Variants in CNTNAP4 observed in about 807,000 individuals in gnomAD.
CNTNAP4 encodes contactin-associated protein-like 4.
CNTNAP4 carries 98 observed loss-of-function variants against 148.4 expected under a neutral mutation model. That is an observed-to-expected ratio of 0.66 (90% CI 0.56 to 0.78). The LOEUF (loss-of-function observed/expected upper bound fraction) is 0.78, where lower values mean the gene tolerates loss of function less well. Ranked by LOEUF, CNTNAP4 falls within the 30% of genes least tolerant of loss-of-function variation. CNTNAP4 has a pLI of 0.00. For synonymous variants in CNTNAP4, 730 were observed against 565.1 expected (o/e 1.29, Z -4.14); for missense variants, 1,935 against 1,565.6 (o/e 1.24, Z -3.98).
chr16:76,306,312 A>G (rs779517378), intron 1 of CNTNAP4, among the ~76,000 whole-genome samples: 3 of 152,100 alleles, frequency 2.0e-5, no homozygotes, highest in Non-Finnish European at 4.4e-5. Context: ...GTTGGTTTTG[A>G]TATTTTTCTG....
At chr16:76,475,480 A>T (rs777731172) in intron 10 of CNTNAP4, among the ~76,000 whole-genome samples, 12 of 152,206 alleles carry the variant, frequency 7.9e-5, no homozygotes, top group Non-Finnish European at 1.5e-4. Flanking sequence ...TTGTGAGCCT[A>T]TACTGTGTAT....
At chr16:76,335,506 T>A (rs941990801) in intron 2 of CNTNAP4, among the ~76,000 whole-genome samples, 1 of 151,184 alleles carries the variant, frequency 6.6e-6, no homozygotes, top group Non-Finnish European at 1.5e-5. Context: ...GGAAGGAGAG[T>A]TTGGAAAGGA....
intron 2 of CNTNAP4, among the ~76,000 whole-genome samples, chr16:76,353,163 G>A (rs1044224634): frequency 2.0e-5 from 3 of 152,110 alleles, no homozygotes; most frequent in African/African-American, 7.2e-5. Flanking sequence ...AAAAGAGGAA[G>A]AGCATTGTGC....
intron 3 of CNTNAP4, among the ~76,000 whole-genome samples, chr16:76,356,726 G>A (rs1214997791): frequency 6.6e-6 from 1 of 152,122 alleles, no homozygotes; most frequent in East Asian, 1.9e-4. Context: ...CAGATAATTT[G>A]GAAGCCTATT....
intron 3 of CNTNAP4, among the ~76,000 whole-genome samples, chr16:76,414,911 T>C (rs1237903543): frequency 6.6e-6 from 1 of 151,264 alleles, no homozygotes; most frequent in Non-Finnish European, 1.5e-5. Flanking sequence ...AGATCAATCC[T>C]AACTAGGGTT....
intron 2 of CNTNAP4, among the ~76,000 whole-genome samples, chr16:76,337,241 A>G (rs987928581): frequency 2.3e-4 from 35 of 152,358 alleles, no homozygotes; most frequent in African/African-American, 8.2e-4. Context: ...TTAGCCTTGA[A>G]TGAAAGACTT....
chr16:76,402,182 G>A (rs56839329), intron 3 of CNTNAP4, among the ~76,000 whole-genome samples: 6,279 of 151,964 alleles, frequency 0.041, 453 homozygotes, highest in African/African-American at 0.15. Flanking sequence ...CTTTTTGGTC[G>A]GTAGGCTGTT....
chr16:76,365,475 G>A (rs1404790564), intron 3 of CNTNAP4, among the ~76,000 whole-genome samples: 1 of 152,122 alleles, frequency 6.6e-6, no homozygotes, highest in Non-Finnish European at 1.5e-5. Flanking sequence ...CTCTGGCCAG[G>A]CGTTGTGGCT....
At chr16:76,526,194 C>A (rs952698374) in intron 17 of CNTNAP4, among the ~76,000 whole-genome samples, 1 of 151,932 alleles carries the variant, frequency 6.6e-6, no homozygotes. Context: ...GAAGAGAAAA[C>A]CCTGTGAACA....
intron 1 of CNTNAP4, among the ~76,000 whole-genome samples, chr16:76,281,072 G>A (rs1205413791): frequency 2.0e-5 from 3 of 152,044 alleles, no homozygotes; most frequent in African/African-American, 4.8e-5. Flanking sequence ...AATAAAGGCC[G>A]TATCTGATAC....
At chr16:76,544,936 A>G (rs372310910) in intron 21 of CNTNAP4, among the ~76,000 whole-genome samples, 9 of 152,226 alleles carry the variant, frequency 5.9e-5, no homozygotes, top group Admixed American at 4.6e-4. Context: ...CTGATGAGCT[A>G]TAAGAGAAAT....
At chr16:76,304,779 G>T (rs2143967121) in intron 1 of CNTNAP4, among the ~76,000 whole-genome samples, 1 of 152,220 alleles carries the variant, frequency 6.6e-6, no homozygotes, top group Non-Finnish European at 1.5e-5. Flanking sequence ...TTAATTGTTT[G>T]GTTCTGCAAT....
intron 3 of CNTNAP4, among the ~76,000 whole-genome samples, chr16:76,372,610 C>T (rs948238674): frequency 6.6e-6 from 1 of 152,114 alleles, no homozygotes; most frequent in African/African-American, 2.4e-5. Flanking sequence ...AAAGGGTTTC[C>T]CCTTTCGCTT....
At chr16:76,290,567 C>T (rs919446967) in intron 1 of CNTNAP4, among the ~76,000 whole-genome samples, 2 of 152,132 alleles carry the variant, frequency 1.3e-5, no homozygotes, top group African/African-American at 4.8e-5. Context: ...TATTCACTTC[C>T]TCTAAATTCC....
chr16:76,345,548 C>T (rs1351388931), intron 2 of CNTNAP4, among the ~76,000 whole-genome samples: 1 of 152,088 alleles, frequency 6.6e-6, no homozygotes, highest in African/African-American at 2.4e-5. Flanking sequence ...AGTGGAAATA[C>T]ACTGGAGGAC....
intron 8 of CNTNAP4, among the ~76,000 whole-genome samples, chr16:76,455,321 A>G (rs1269972968): frequency 2.0e-5 from 3 of 152,206 alleles, no homozygotes; most frequent in Non-Finnish European, 4.4e-5. Context: ...AATCAGGCTT[A>G]TAACCATGCC....
At chr16:76,446,179 A>G (rs961513889) in intron 4 of CNTNAP4, among the ~76,000 whole-genome samples, 7 of 152,196 alleles carry the variant, frequency 4.6e-5, no homozygotes, top group Admixed American at 1.3e-4. Flanking sequence ...TTTCACATAA[A>G]ATATGATGGA....
In CNTNAP4 at chr16:76,277,469, A is replaced by G; in HGVS notation, c.-194A>G. The G allele has an allele frequency of 3.8e-6, 2 of 526,640 alleles. No individual in the cohort carries two copies. The highest frequency in any genetic ancestry group is 6.8e-6 in the Non-Finnish European group (2 of 295,514). The allele number at this position is 526,640 out of a possible 1,614,324, so 32.6% of individuals were successfully genotyped here. ...AGAAAAGAGAGAGACAGAGACGGGG[A>G]GAGAGAGAGGGAGAGAGAAGAGAGG... On this transcript the variant is annotated 5_prime_UTR_variant, in exon 1 of 24. Coordinates refer to ENST00000611870, the MANE Select transcript of CNTNAP4 (RefSeq NM_033401.5).
intron 8 of CNTNAP4, among the ~76,000 whole-genome samples, chr16:76,460,153 G>A (rs368031271): frequency 8.2e-4 from 124 of 152,042 alleles, no homozygotes; most frequent in African/African-American, 2.7e-3. Context: ...TGTTGCCCAG[G>A]CTGGAGTGCA....
Sources: gnomAD v4.1 joint callset for allele counts (sites outside exome capture counted in the v4.1 genomes callset) on GRCh38, gnomAD v4.1.1 for gene constraint, MANE v1.5 for transcripts, NCBI Gene and HGNC (gene_info 2026-07-23, HGNC 2026-07-21) for gene names.